Variants in TSC22D2 observed in about 807,000 individuals in gnomAD.
TSC22D2 encodes TSC22 domain family member 2.
Under a neutral mutation model 50.1 loss-of-function variants are expected in TSC22D2, and 5 were observed. That is an observed-to-expected ratio of 0.10 (90% CI 0.05 to 0.21). The LOEUF is 0.21. Ranked by LOEUF, TSC22D2 falls within the 10% of genes least tolerant of loss-of-function variation. TSC22D2 has a pLI of 1.00. For missense variants in TSC22D2, 1,003 were observed against 1,015.5 expected (o/e 0.99, Z 0.17); for synonymous variants, 501 against 450.1 (o/e 1.11, Z -1.43).
intron 2 of TSC22D2, 38 bp downstream of exon 2, chr3:150,457,165 G>T (rs1191530650): frequency 1.3e-6 from 2 of 1,584,946 alleles, no homozygotes; most frequent in Admixed American, 3.5e-5. Context: ...TTCATAGATT[G>T]TTGGTTGTAT....
Position 150,457,013 on chromosome 3 carries a change from C to A in TSC22D2, c.1959-63C>A, listed in dbSNP as rs895632729. ...GTGAAACACAAATGTCTTTTACATTCTTTTAAGAGTTGGAAGGGAGGTTAA... is the reference window on the plus strand; with the variant it reads ...GTGAAACACAAATGTCTTTTACATTATTTTAAGAGTTGGAAGGGAGGTTAA... On this transcript the variant is annotated intron_variant, in intron 1 of 2. Transcript: ENST00000688009. The A allele has an allele frequency of 8.5e-6, 12 of 1,416,546 alleles. No individual in the cohort carries two copies. In the Admixed American group the frequency reaches 1.0e-4, roughly 12 times the overall value. The allele number at this position is 1,416,546 out of a possible 1,614,324, so 87.7% of individuals were successfully genotyped here.
intron 1 of TSC22D2, among the ~76,000 whole-genome samples, chr3:150,443,041 A>C (rs1429127280): frequency 6.6e-6 from 1 of 152,158 alleles, no homozygotes; most frequent in African/African-American, 2.4e-5. Flanking sequence ...CTGAGTTTTG[A>C]ATTATAAAAC....
intron 1 of TSC22D2, among the ~76,000 whole-genome samples, chr3:150,422,047 A>G (rs1239107165): frequency 1.3e-5 from 2 of 152,222 alleles, no homozygotes; most frequent in African/African-American, 2.4e-5. Flanking sequence ...GGGAGTAATA[A>G]TGGTGCCTAC....
chr3:150,410,453 A>G lies in TSC22D2; in HGVS notation c.1103A>G (p.His368Arg), dbSNP rs934881832. 3.1e-6 allele frequency: 5 copies of G among 1,609,012 alleles called. No homozygotes were observed. In the African/African-American group the frequency reaches 4.0e-5, roughly 13 times the overall value. The change falls in exon 1 of 3, where the codon CAT (histidine) becomes CGT (arginine). Residue 368 changes from histidine (H) to arginine (R), a missense_variant. By Grantham distance (29) the His-to-Arg change is conservative. Coordinates refer to ENST00000688009, the MANE Select transcript of TSC22D2 (RefSeq NM_001303264.2). Reference protein sequence around the residue: ...AYPQPQIPPGHLLPVQPSGQS... With the variant: ...AYPQPQIPPGRLLPVQPSGQS... ...CCTCAGCCTCAGATACCGCCCGGAC[A>G]TTTGCTGCCCGTCCAGCCCTCCGGC...
intron 1 of TSC22D2, among the ~76,000 whole-genome samples, chr3:150,431,651 T>C (rs909390452): frequency 2.6e-5 from 4 of 152,180 alleles, no homozygotes; most frequent in Admixed American, 6.5e-5. Flanking sequence ...TTAGCTAGTT[T>C]GTACTATTGG....
At chr3:150,418,972 G>A (rs1719916185) in intron 1 of TSC22D2, among the ~76,000 whole-genome samples, 1 of 151,966 alleles carries the variant, frequency 6.6e-6, no homozygotes, top group Admixed American at 6.6e-5. Context: ...CTGGCTCTAA[G>A]TTTAAGTATT....
intron 1 of TSC22D2, among the ~76,000 whole-genome samples, chr3:150,442,020 G>C (rs547866978): frequency 6.6e-6 from 1 of 152,214 alleles, no homozygotes; most frequent in East Asian, 1.9e-4. Flanking sequence ...TCCATCTCTT[G>C]TCCTCATTCA....
In TSC22D2 at chr3:150,410,428, C is replaced by T. The variant is rs1258585857; in HGVS notation, c.1078C>T (p.Pro360Ser). The change falls in exon 1 of 3, where the codon CCT becomes TCT. Residue 360 changes from proline to serine, a missense_variant. Around this residue, in one of 6 missense-constraint regions of TSC22D2, gnomAD observed 696 missense variants for 647.8 expected, o/e 1.07. Transcript: ENST00000688009. ...AAQQPQQFAYPQPQIPPGHLL... is the reference protein window; with the variant it reads ...AAQQPQQFAYSQPQIPPGHLL... ...GCAGCAGCCCCAGCAGTTCGCGTATCCTCAGCCTCAGATACCGCCCGGACA... is the reference window on the plus strand; with the variant it reads ...GCAGCAGCCCCAGCAGTTCGCGTATTCTCAGCCTCAGATACCGCCCGGACA... 2 of 1,609,328 alleles carry T rather than the reference C, an allele frequency of 1.2e-6. No individual in the cohort carries two copies. Among genetic ancestry groups the T allele is most frequent in the East Asian group, 2.2e-5 (1 of 44,592 alleles).
In TSC22D2 at chr3:150,459,149, AT is replaced by A. The variant is rs1721294546; in HGVS notation, c.*514del. ...ACTTTTTTAATTTTTTTGAATAATT[AT>A]AAGTATCAGTAAAGGAAGTGAAAGA... On this transcript the variant is annotated 3_prime_UTR_variant, in exon 3 of 3. Transcript: ENST00000688009. The A allele has an allele frequency of 1.3e-5, 2 of 152,706 alleles. No homozygotes were observed. The highest frequency in any genetic ancestry group is 4.8e-5 in the African/African-American group (2 of 41,468). The allele number at this position is 152,706 out of a possible 1,614,324, so 9.5% of individuals were successfully genotyped here.
Position 150,409,072 on chromosome 3 carries a change from G to C in TSC22D2, c.-279G>C. 3.0e-6 allele frequency: 1 copy of C among 335,336 alleles called. No individual in the cohort carries two copies. Among genetic ancestry groups the C allele is most frequent in the East Asian group, 4.8e-5 (1 of 20,782 alleles). 20.8% of individuals were successfully genotyped at this position (335,336 alleles called of 1,614,324 possible). On this transcript the variant is annotated 5_prime_UTR_variant, in exon 1 of 3. Transcript: ENST00000688009. This position sits in a 1 kb window ranked among gnomAD's most constrained non-coding sequence, Gnocchi z 7.4. ...TCGCCGCCTCTGAGGGAATTGAATT[G>C]AGGCGCCGCGGCTGCGAGAGCTAAA...
At chr3:150,446,379 G>T (rs1218577991) in intron 1 of TSC22D2, among the ~76,000 whole-genome samples, 2 of 152,296 alleles carry the variant, frequency 1.3e-5, no homozygotes, top group East Asian at 3.9e-4. Flanking sequence ...GCTGGGTACG[G>T]TGGCACACGC....
At chr3:150,445,668 G>A (rs148188401) in intron 1 of TSC22D2, among the ~76,000 whole-genome samples, 20 of 152,268 alleles carry the variant, frequency 1.3e-4, no homozygotes, top group African/African-American at 4.6e-4. Flanking sequence ...GGGTTGTTGT[G>A]TGTACTGTTG....
At chr3:150,447,890 T>G (rs1720933488) in intron 1 of TSC22D2, among the ~76,000 whole-genome samples, 1 of 152,196 alleles carries the variant, frequency 6.6e-6, no homozygotes, top group Non-Finnish European at 1.5e-5. Flanking sequence ...GTAGCAGGTA[T>G]TATAGTGTCG....
At position 150,410,881 on chromosome 3, in the gene TSC22D2, G is replaced by A; in HGVS notation, c.1531G>A (p.Ala511Thr). 1 of 1,614,008 alleles carries A rather than the reference G, an allele frequency of 6.2e-7. No individual in the cohort carries two copies. The highest frequency in any genetic ancestry group is 8.5e-7 in the Non-Finnish European group (1 of 1,180,026). The stretch of plus-strand genomic sequence containing the variant: ...GGTGCCCGGAGTTCCAAACGTGCCT[G>A]CAGCCGTGCCCGCTCCAAGCGTGCC... ...AVVPGVPNVP[A>T]AVPAPSVPSV... The change falls in exon 1 of 3, where the codon GCA becomes ACA. Residue 511 changes from alanine to threonine, a missense_variant. Ala to Thr is a moderately conservative substitution (Grantham distance 58, BLOSUM62 0). Coordinates refer to ENST00000688009, the MANE Select transcript of TSC22D2 (RefSeq NM_001303264.2).
At chr3:150,443,102 C>T (rs1267745364) in intron 1 of TSC22D2, among the ~76,000 whole-genome samples, 1 of 152,194 alleles carries the variant, frequency 6.6e-6, no homozygotes, top group East Asian at 1.9e-4. Flanking sequence ...CTATCCTATA[C>T]TTGGATCATG....
At chr3:150,415,136 G>T (rs1254707966) in intron 1 of TSC22D2, among the ~76,000 whole-genome samples, 5 of 151,952 alleles carry the variant, frequency 3.3e-5, no homozygotes, top group Admixed American at 6.6e-5. Flanking sequence ...ATTCATAAAC[G>T]TGGCTTGAAA....
chr3:150,430,935 C>T (rs896315858), intron 1 of TSC22D2, among the ~76,000 whole-genome samples: 1 of 151,990 alleles, frequency 6.6e-6, no homozygotes, highest in African/African-American at 2.4e-5. Context: ...AGAAAAATTA[C>T]AAGAATAGTA....
At position 150,410,697 on chromosome 3, in the gene TSC22D2, C is replaced by A. The variant is rs3749400; in HGVS notation, c.1347C>A (p.Val449=). The A allele has an allele frequency of 0.19, 297,702 of 1,569,136 alleles. 30,279 individuals carry two copies. Among genetic ancestry groups the A allele is most frequent in the Non-Finnish European group, 0.21 (245,535 of 1,158,790 alleles). ...CGGGACCAGCGCAAGGCGGGCAGGT[C>A]GCGCCTTGTCAGCCGACTGGAGTGC... is the stretch of plus-strand genomic sequence containing the variant. ...PRTGPAQGGQ[V]APCQPTGVPP... The change falls in exon 1 of 3, where the codon GTC becomes GTA. Residue 449 remains valine (V), a synonymous_variant. Transcript: ENST00000688009.
intron 1 of TSC22D2, among the ~76,000 whole-genome samples, chr3:150,445,892 G>A (rs1256522937): frequency 1.3e-5 from 2 of 151,888 alleles, no homozygotes; most frequent in Admixed American, 1.3e-4. Flanking sequence ...TCAGGAGTTC[G>A]AGACCAGCCT....
Sources: gnomAD v4.1 joint callset for allele counts (sites outside exome capture counted in the v4.1 genomes callset) on GRCh38, gnomAD v4.1.1 for gene constraint, gnomAD v4.1.1 regional missense constraint, Gnocchi (gnomAD v3.1) non-coding constraint, MANE v1.5 for transcripts, NCBI Gene and HGNC (gene_info 2026-07-23, HGNC 2026-07-21) for gene names.